ALYREF: variants seen among roughly 807,000 people sequenced by gnomAD.
ALYREF encodes the protein THO complex subunit 4.
Under a neutral mutation model 25.2 loss-of-function variants are expected in ALYREF, and 1 was observed. That is an observed-to-expected ratio of 0.04 (90% CI 0.01 to 0.19). ALYREF has a LOEUF of 0.19. Ranked by LOEUF, ALYREF falls within the 10% of genes least tolerant of loss-of-function variation. ALYREF has a pLI of 1.00. For missense variants in ALYREF, 328 were observed against 375.6 expected, an observed-to-expected ratio of 0.87 and a Z score of 1.05; for synonymous variants, 193 against 153.5, an observed-to-expected ratio of 1.26 and a Z score of -1.90.
intron 2 of ALYREF, among the ~76,000 whole-genome samples, chr17:81,890,264 G>A (rs1032567640): frequency 6.6e-6 from 1 of 152,102 alleles, no homozygotes; most frequent in Non-Finnish European, 1.5e-5. Context: ...CAGTACTCAA[G>A]GCAAACAGAG....
chr17:81,888,554 A>G lies in ALYREF; in HGVS notation c.568T>C (p.Ser190Pro). ...GRPMNIQLVTSQIDAQRRPAQ... is the reference protein window; with the variant it reads ...GRPMNIQLVTPQIDAQRRPAQ... ...GGCCTCCGCTGTGCGTCAATCTGTG[A>G]CGTGACAAGCTGAATGTTCATGGGG... The change falls in exon 4 of 6, where the codon TCA (serine) becomes CCA (proline). Residue 190 changes from serine (S) to proline (P), a missense_variant. Ser to Pro is a moderately conservative substitution (Grantham distance 74). Transcript: ENST00000505490. The surrounding 1 kb of genome is among the most constrained non-coding windows in gnomAD (Gnocchi z 5.8). The G allele has an allele frequency of 1.3e-6, 2 of 1,596,214 alleles. No individual in the cohort carries two copies. Among genetic ancestry groups the G allele is most frequent in the Non-Finnish European group, 1.7e-6 (2 of 1,170,520 alleles).
At position 81,888,630 on chromosome 17, in the gene ALYREF, A is replaced by C; in HGVS notation, c.539-47T>G. On this transcript the variant is annotated intron_variant, in intron 3 of 5. Transcript: ENST00000505490. This position sits in a 1 kb window ranked among gnomAD's most constrained non-coding sequence, Gnocchi z 5.8. ...GGCACGTTCTATTGAGAGGCTCTGA[A>C]ACCCACCCAGCTGGCGCCACACCCT... The C allele has an allele frequency of 6.4e-7, 1 of 1,558,900 alleles. No homozygotes were observed. The highest frequency in any genetic ancestry group is 8.7e-7 in the Non-Finnish European group (1 of 1,149,694).
At chr17:81,890,375 G>C (rs1297623085) in intron 2 of ALYREF, among the ~76,000 whole-genome samples, 1 of 152,122 alleles carries the variant, frequency 6.6e-6, no homozygotes, top group African/African-American at 2.4e-5. Context: ...AAGCAACTGG[G>C]CTGGGTCTAA....
chr17:81,891,047 C>T, intron 1 of ALYREF: 2 of 708,636 alleles, frequency 2.8e-6, no homozygotes, highest in Non-Finnish European at 4.5e-6. Context: ...CCGCCTGTGC[C>T]GCGCCCAGCG....
At position 81,888,550 on chromosome 17, in the gene ALYREF, T is replaced by G; in HGVS notation, c.572A>C (p.Gln191Pro). ...RPMNIQLVTS[Q>P]IDAQRRPAQS... is the part of the protein sequence containing the mutation. ...TGCAGGCCTCCGCTGTGCGTCAATCTGTGACGTGACAAGCTGAATGTTCAT... is the reference window on the plus strand; with the variant it reads ...TGCAGGCCTCCGCTGTGCGTCAATCGGTGACGTGACAAGCTGAATGTTCAT... Residue 191 changes from glutamine to proline, a missense_variant, in exon 4 of 6, where the codon CAG becomes CCG. Coordinates refer to ENST00000505490, the MANE Select transcript of ALYREF (RefSeq NM_005782.4). The surrounding 1 kb of genome is among the most constrained non-coding windows in gnomAD (Gnocchi z 5.8). 1 of 1,596,950 alleles carries G rather than the reference T, an allele frequency of 6.3e-7. No individual in the cohort carries two copies. Among genetic ancestry groups the G allele is most frequent in the Non-Finnish European group, 8.5e-7 (1 of 1,170,958 alleles).
In ALYREF at chr17:81,888,156, G is replaced by A. The variant is rs878900559; in HGVS notation, c.781-11C>T. On this transcript the variant is annotated splice_polypyrimidine_tract_variant and intron_variant, in intron 5 of 5. Transcript: ENST00000505490. The surrounding 1 kb of genome is among the most constrained non-coding windows in gnomAD (Gnocchi z 5.8). ...TTAACTGGTGTCCATCTGAAACACA[G>A]AGGAGAAAGAGGCTTGCATTCACAG... 5.6e-6 allele frequency: 9 copies of A among 1,614,012 alleles called. No individual in the cohort carries two copies. The highest frequency in any genetic ancestry group is 1.6e-4 in the Middle Eastern group (1 of 6,084).
Position 81,888,624 on chromosome 17 carries a change from C to A in ALYREF, c.539-41G>T, listed in dbSNP as rs1334636798. ...CGAGAAGGCACGTTCTATTGAGAGGCTCTGAAACCCACCCAGCTGGCGCCA... is the reference window on the plus strand; with the variant it reads ...CGAGAAGGCACGTTCTATTGAGAGGATCTGAAACCCACCCAGCTGGCGCCA... On this transcript the variant is annotated intron_variant, in intron 3 of 5. Transcript: ENST00000505490. The surrounding 1 kb of genome is among the most constrained non-coding windows in gnomAD (Gnocchi z 5.8). 1 of 1,562,310 alleles carries A rather than the reference C, an allele frequency of 6.4e-7. No individual in the cohort carries two copies. Among genetic ancestry groups the A allele is most frequent in the Non-Finnish European group, 8.7e-7 (1 of 1,151,514 alleles).
Position 81,891,463 on chromosome 17 carries a change from C to A in ALYREF, c.118G>T (p.Gly40Cys). ...RGGGRGRGRA[G>C]SQGGRGGGAQ... is the part of the protein sequence containing the mutation. ...CCACCGCCGCGGCCGCCCTGGGAGC[C>A]GGCCCGGCCGCGGCCCCGGCCCCCG... Residue 40 changes from glycine to cysteine, a missense_variant, in exon 1 of 6, where the codon GGC (glycine) becomes TGC (cysteine). Physicochemically the swap from Gly to Cys is radical, Grantham distance 159. Coordinates refer to ENST00000505490, the MANE Select transcript of ALYREF (RefSeq NM_005782.4). 1 of 1,090,352 alleles carries A rather than the reference C, an allele frequency of 9.2e-7. No homozygotes were observed. The highest frequency in any genetic ancestry group is 2.9e-5 in the South Asian group (1 of 34,408). The allele number at this position is 1,090,352 out of a possible 1,614,324, so 67.5% of individuals were successfully genotyped here.
intron 3 of ALYREF, 82 bp downstream of exon 3, chr17:81,889,100 T>C: frequency 6.4e-7 from 1 of 1,566,970 alleles, no homozygotes; most frequent in Non-Finnish European, 8.7e-7. Context: ...GCCACAGGGG[T>C]ACCCCATATT....
At position 81,888,359 on chromosome 17, in the gene ALYREF, C is replaced by T; in HGVS notation, c.662G>A (p.Gly221Asp). The T allele has an allele frequency of 6.2e-7, 1 of 1,603,044 alleles. No individual in the cohort carries two copies. The highest frequency in any genetic ancestry group is 8.5e-7 in the Non-Finnish European group (1 of 1,177,654). Residue 221 changes from glycine to aspartate, a missense_variant, in exon 5 of 6, where the codon GGC (glycine) becomes GAC (aspartate). This residue lies in a region of ALYREF where 108 missense variants were observed against 110.5 expected (regional missense o/e 0.98). Coordinates refer to ENST00000505490, the MANE Select transcript of ALYREF (RefSeq NM_005782.4). This position sits in a 1 kb window ranked among gnomAD's most constrained non-coding sequence, Gnocchi z 5.8. ...RGAGGFGGGG[G>D]TRRGTRGGAR... ...GCCTCCGCGGGTGCCTCTCCGGGTG[C>T]CTCCACCACCACCAAAACCTCCAGC...
rs2039459500 is a variant in ALYREF, at chr17:81,888,323, C to T, written c.698G>A (p.Arg233Lys). ...RRGTRGGARGRGRGAGRNSKQ... is the reference protein window; with the variant it reads ...RRGTRGGARGKGRGAGRNSKQ... ...TGAATTCCTGCCGGCACCTCTGCCT[C>T]TTCCACGGGCGCCTCCGCGGGTGCC... Residue 233 changes from arginine to lysine, a missense_variant, in exon 5 of 6, where the codon AGA (arginine) becomes AAA (lysine). Coordinates refer to ENST00000505490, the MANE Select transcript of ALYREF (RefSeq NM_005782.4). This position sits in a 1 kb window ranked among gnomAD's most constrained non-coding sequence, Gnocchi z 5.8. 9 of 1,606,806 alleles carry T rather than the reference C, an allele frequency of 5.6e-6. No homozygotes were observed. Among genetic ancestry groups the T allele is most frequent in the Non-Finnish European group, 7.6e-6 (9 of 1,179,274 alleles).
In ALYREF at chr17:81,888,549, C is replaced by G. The variant is rs1401045927; in HGVS notation, c.573G>C (p.Gln191His). The change falls in exon 4 of 6, where the codon CAG becomes CAC. Residue 191 changes from glutamine to histidine, a missense_variant. Physicochemically the swap from Gln to His is conservative, Grantham distance 24. Transcript: ENST00000505490. The surrounding 1 kb of genome is among the most constrained non-coding windows in gnomAD (Gnocchi z 5.8). Reference sequence around the variant, plus strand: ...GTGCAGGCCTCCGCTGTGCGTCAATCTGTGACGTGACAAGCTGAATGTTCA... The same window carrying G: ...GTGCAGGCCTCCGCTGTGCGTCAATGTGTGACGTGACAAGCTGAATGTTCA... The part of the protein sequence containing the change: ...RPMNIQLVTS[Q>H]IDAQRRPAQS... 1 of 1,596,996 alleles carries G rather than the reference C, an allele frequency of 6.3e-7. No homozygotes were observed. The highest frequency in any genetic ancestry group is 1.8e-5 in the Admixed American group (1 of 57,062).
chr17:81,891,127 C>A, intron 1 of ALYREF, 196 bp downstream of exon 1: 2 of 609,272 alleles, frequency 3.3e-6, no homozygotes, highest in South Asian at 2.7e-5. Context: ...TCTCAGCCTC[C>A]GGGACCGGAC....
In ALYREF at chr17:81,888,333, C is replaced by T. The variant is rs1567861648; in HGVS notation, c.688G>A (p.Ala230Thr). ...CCGGCACCTCTGCCTCTTCCACGGGCGCCTCCGCGGGTGCCTCTCCGGGTG... is the reference window on the plus strand; with the variant it reads ...CCGGCACCTCTGCCTCTTCCACGGGTGCCTCCGCGGGTGCCTCTCCGGGTG... ...GGTRRGTRGGARGRGRGAGRN... is the reference protein window; with the variant it reads ...GGTRRGTRGGTRGRGRGAGRN... The change falls in exon 5 of 6, where the codon GCC becomes ACC. Residue 230 changes from alanine (A) to threonine (T), a missense_variant. By Grantham distance (58) the Ala-to-Thr change is moderately conservative. Coordinates refer to ENST00000505490, the MANE Select transcript of ALYREF (RefSeq NM_005782.4). The surrounding 1 kb of genome is among the most constrained non-coding windows in gnomAD (Gnocchi z 5.8). 1.4e-5 allele frequency: 22 copies of T among 1,605,770 alleles called. No homozygotes were observed. The highest frequency in any genetic ancestry group is 1.7e-4 in the Middle Eastern group (1 of 6,056).
rs765345781 is a variant in ALYREF, at chr17:81,888,594, G to GA, written c.539-12dup. The stretch of plus-strand genomic sequence containing the variant: ...TGTTCATGGGGCGGCCTGCGGCAAA[G>GA]AATACGAGAAGGCACGTTCTATTGA... On this transcript the variant is annotated splice_polypyrimidine_tract_variant and intron_variant, in intron 3 of 5. Coordinates refer to ENST00000505490, the MANE Select transcript of ALYREF (RefSeq NM_005782.4). The surrounding 1 kb of genome is among the most constrained non-coding windows in gnomAD (Gnocchi z 5.8). The GA allele has an allele frequency of 5.7e-6, 9 of 1,585,076 alleles. No homozygotes were observed. The highest frequency in any genetic ancestry group is 7.7e-6 in the Non-Finnish European group (9 of 1,164,522).
At chr17:81,890,227 A>G (rs2039491183) in intron 2 of ALYREF, among the ~76,000 whole-genome samples, 1 of 152,142 alleles carries the variant, frequency 6.6e-6, no homozygotes, top group South Asian at 2.1e-4. Flanking sequence ...GAGTGATAAA[A>G]CCACAGCGTA....
In ALYREF at chr17:81,889,169, C is replaced by A; in HGVS notation, c.538+13G>T. The A allele has an allele frequency of 6.2e-7, 1 of 1,613,576 alleles. No individual in the cohort carries two copies. The highest frequency in any genetic ancestry group is 8.5e-7 in the Non-Finnish European group (1 of 1,179,554). On this transcript the variant is annotated intron_variant, in intron 3 of 5. Coordinates refer to ENST00000505490, the MANE Select transcript of ALYREF (RefSeq NM_005782.4). ...AAGCCCCACAGTCAGCGTGGGTCCA[C>A]CCCCAGACTCACCATCCAGAGGGAC...
chr17:81,889,082 T>C, intron 3 of ALYREF, 100 bp downstream of exon 3: 1 of 1,517,680 alleles, frequency 6.6e-7, no homozygotes, highest in Non-Finnish European at 8.9e-7. Flanking sequence ...AAATGCAAAG[T>C]GTCCTCAGCC....
chr17:81,889,526 G>A (rs1330100893), intron 2 of ALYREF, among the ~76,000 whole-genome samples, 197 bp from the exon 3 acceptor site: 1 of 152,186 alleles, frequency 6.6e-6, no homozygotes, highest in African/African-American at 2.4e-5. Flanking sequence ...GAGGGCTCCT[G>A]CCATTGTGGG....
Sources: allele counts gnomAD v4.1 joint callset (sites outside exome capture counted in the v4.1 genomes callset), GRCh38; gene constraint gnomAD v4.1.1; regional missense constraint gnomAD v4.1.1; non-coding constraint Gnocchi (gnomAD v3.1); transcripts MANE v1.5; gene names NCBI Gene and HGNC (gene_info 2026-07-23, HGNC 2026-07-21).